The following MSH4 variants were observed in gnomAD, a reference collection of about 807,000 sequenced individuals.
MSH4 encodes mutS homolog 4, also known as mutS protein homolog 4.
Under a neutral mutation model 113.7 loss-of-function variants are expected in MSH4, and 106 were observed. That is an observed-to-expected ratio of 0.93 (90% CI 0.80 to 1.10). The LOEUF (loss-of-function observed/expected upper bound fraction) is 1.10, where lower values mean the gene tolerates loss of function less well. Among genes scored for constraint, MSH4 ranks in the 50% least tolerant of loss-of-function variants. The probability of loss-of-function intolerance (pLI) is 0.00; values close to 1 mark genes in which losing one functional copy is unlikely to be tolerated. For missense variants in MSH4, 1,061 were observed against 1,093.7 expected (o/e 0.97, Z 0.42); for synonymous variants, 368 against 380.2 (o/e 0.97, Z 0.37).
At position 75,803,763 on chromosome 1, in the gene MSH4, G is replaced by A; in HGVS notation, c.277G>A (p.Glu93Lys). The change falls in exon 2 of 20, where the codon GAA (glutamate) becomes AAA (lysine). Residue 93 changes from glutamate (E) to lysine (K), a missense_variant. Physicochemically the swap from Glu to Lys is moderately conservative, Grantham distance 56. Coordinates refer to ENST00000263187, the MANE Select transcript of MSH4 (RefSeq NM_002440.4). ...SYFGNKRAYA[E>K]NTVASNFTFG... ...CTTTGGAAACAAAAGAGCTTATGCA[G>A]AAAACACAGTTGCATCAAATTTTAC... is the stretch of plus-strand genomic sequence containing the variant. 1 of 1,592,146 alleles carries A rather than the reference G, an allele frequency of 6.3e-7. No homozygotes were observed. Among genetic ancestry groups the A allele is most frequent in the Admixed American group, 1.8e-5 (1 of 54,452 alleles).
intron 8 of MSH4, among the ~76,000 whole-genome samples, chr1:75,858,616 C>G (rs188004959): frequency 6.6e-6 from 1 of 152,070 alleles, no homozygotes; most frequent in Non-Finnish European, 1.5e-5. Flanking sequence ...GGGATGAAGC[C>G]GACTTGATTG....
chr1:75,866,941 A>G (rs1202357812), intron 8 of MSH4, among the ~76,000 whole-genome samples: 1 of 152,206 alleles, frequency 6.6e-6, no homozygotes. Context: ...TCATTCCTCC[A>G]GGTTTGGTAA....
chr1:75,874,330 T>C (rs1238238166), intron 9 of MSH4, among the ~76,000 whole-genome samples: 3 of 152,202 alleles, frequency 2.0e-5, no homozygotes, highest in African/African-American at 7.2e-5. Context: ...GAAGCATAGA[T>C]GTGGAAGTTT....
chr1:75,906,090 A>G (rs1232001567), intron 19 of MSH4, among the ~76,000 whole-genome samples: 1 of 151,940 alleles, frequency 6.6e-6, no homozygotes, highest in Non-Finnish European at 1.5e-5. Context: ...TCCCAGGTTC[A>G]AGCGATTCTT....
intron 11 of MSH4, 95 bp downstream of exon 11, chr1:75,878,413 T>A (rs1651860867): frequency 1.0e-6 from 1 of 978,456 alleles, no homozygotes; most frequent in African/African-American, 1.7e-5. Flanking sequence ...GCCATACATA[T>A]TTTAAATTTA....
At chr1:75,841,600 A>G (rs1267581769) in intron 7 of MSH4, among the ~76,000 whole-genome samples, 1 of 152,202 alleles carries the variant, frequency 6.6e-6, no homozygotes, top group Non-Finnish European at 1.5e-5. Context: ...GATTGAGACT[A>G]GACTATGAAG....
intron 7 of MSH4, among the ~76,000 whole-genome samples, chr1:75,830,996 A>T (rs1650674152): frequency 6.6e-6 from 1 of 152,222 alleles, no homozygotes; most frequent in Non-Finnish European, 1.5e-5. Context: ...CAGACTGGCA[A>T]GTTGGATAAA....
intron 7 of MSH4, among the ~76,000 whole-genome samples, chr1:75,831,444 C>A (rs11587588): frequency 1.3e-5 from 2 of 151,856 alleles, no homozygotes; most frequent in African/African-American, 4.8e-5. Flanking sequence ...ACCTAACAGA[C>A]ATCTACAGAA....
intron 9 of MSH4, among the ~76,000 whole-genome samples, chr1:75,868,048 G>A (rs1651627353): frequency 6.6e-6 from 1 of 151,930 alleles, no homozygotes; most frequent in African/African-American, 2.4e-5. Flanking sequence ...CTTTGAAGTG[G>A]AGAAGTTTCT....
In MSH4 at chr1:75,833,402, G is replaced by C. The variant is rs12211895; in HGVS notation, c.1162+10821G>C. ...TTCAGTGCCATCCCCTTCAAGCTAC[G>C]AATGACTTTCTTCACAGAATTGGAA... On this transcript the variant is annotated intron_variant, in intron 7 of 19. Transcript: ENST00000263187. Among the ~76,000 whole-genome samples, 64 of 152,146 alleles carry C rather than the reference G, an allele frequency of 4.2e-4. No homozygotes were observed. In the East Asian group the frequency reaches 8.3e-3, roughly 20 times the overall value.
intron 8 of MSH4, among the ~76,000 whole-genome samples, chr1:75,867,304 C>T (rs1651606922): frequency 6.6e-6 from 1 of 152,122 alleles, no homozygotes; most frequent in South Asian, 2.1e-4. Flanking sequence ...GAGATGAACT[C>T]TTCTCATTTC....
At chr1:75,835,395 G>T (rs1169755734) in intron 7 of MSH4, among the ~76,000 whole-genome samples, 2 of 152,006 alleles carry the variant, frequency 1.3e-5, no homozygotes, top group Admixed American at 6.6e-5. Context: ...ACATCTTGTT[G>T]GTCTACCTAT....
chr1:75,892,906 A>C (rs1001160), intron 17 of MSH4, among the ~76,000 whole-genome samples: 43,685 of 152,082 alleles, frequency 0.29, 6,575 homozygotes, highest in Middle Eastern at 0.37. Context: ...TTAGATGGGA[A>C]AAAAGCCTCT....
intron 10 of MSH4, 74 bp from the exon 11 acceptor site, chr1:75,878,075 G>T (rs769919902): frequency 9.6e-6 from 11 of 1,146,258 alleles, no homozygotes; most frequent in Non-Finnish European, 1.2e-5. Context: ...ATCATCAATT[G>T]TGATTCAAAT....
At chr1:75,878,050 C>A in intron 10 of MSH4, 99 bp from the exon 11 acceptor site, 2 of 868,592 alleles carry the variant, frequency 2.3e-6, no homozygotes, top group Non-Finnish European at 3.5e-6. Flanking sequence ...AAATAACTTT[C>A]AACAAAAATT....
intron 9 of MSH4, among the ~76,000 whole-genome samples, chr1:75,869,853 A>C (rs1362931728): frequency 6.6e-6 from 1 of 152,190 alleles, no homozygotes; most frequent in Non-Finnish European, 1.5e-5. Context: ...AAAAGCCCCC[A>C]CACAGAGTCC....
At chr1:75,823,720 T>C (rs1024356628) in intron 7 of MSH4, among the ~76,000 whole-genome samples, 1 of 152,194 alleles carries the variant, frequency 6.6e-6, no homozygotes, top group Non-Finnish European at 1.5e-5. Flanking sequence ...AGTGAAAACA[T>C]GCAGTGTTTG....
intron 19 of MSH4, among the ~76,000 whole-genome samples, chr1:75,905,157 T>TA (rs397782896): frequency 7.9e-5 from 12 of 151,782 alleles, no homozygotes; most frequent in African/African-American, 1.7e-4. Flanking sequence ...TGTTTTTTTT[T>TA]AAATGTTTCT....
chr1:75,804,019 T>G (rs895362408), intron 2 of MSH4, 106 bp downstream of exon 2: 1 of 723,164 alleles, frequency 1.4e-6, no homozygotes, highest in African/African-American at 1.8e-5. Flanking sequence ...ATAACTGATA[T>G]GAATGAAAAA....
Sources: allele counts gnomAD v4.1 joint callset (sites outside exome capture counted in the v4.1 genomes callset), GRCh38; gene constraint gnomAD v4.1.1; transcripts MANE v1.5; gene names NCBI Gene and HGNC (gene_info 2026-07-23, HGNC 2026-07-21).